Variants in SIRT5 observed in about 807,000 individuals in gnomAD.
The protein encoded by SIRT5 is NAD-dependent protein deacylase sirtuin-5, mitochondrial.
SIRT5 carries 26 observed loss-of-function variants against 40.0 expected under a neutral mutation model. The observed-to-expected ratio is 0.65, with a 90% CI of 0.48 to 0.90. The LOEUF is 0.90. Among genes scored for constraint, SIRT5 ranks in the 40% least tolerant of loss-of-function variants. The probability of loss-of-function intolerance (pLI) is 0.00; values close to 1 mark genes in which losing one functional copy is unlikely to be tolerated. For missense variants in SIRT5, 401 were observed against 402.4 expected (o/e 1.00, Z 0.03); for synonymous variants, 146 against 149.1 (o/e 0.98, Z 0.15).
chr6:13,602,763 C>T (rs142592726), intron 9 of SIRT5, among the ~76,000 whole-genome samples: 300 of 152,210 alleles, frequency 2.0e-3, no homozygotes, highest in African/African-American at 6.8e-3. Flanking sequence ...CTCTGTCACA[C>T]CATTACAAAA....
chr6:13,598,739 T>C (rs1012133821), intron 7 of SIRT5, among the ~76,000 whole-genome samples: 7 of 151,050 alleles, frequency 4.6e-5, no homozygotes, highest in Non-Finnish European at 7.4e-5. Context: ...TGAGGCAGAA[T>C]TGCTTGAACC....
chr6:13,590,945 T>G (rs944071862), intron 4 of SIRT5, among the ~76,000 whole-genome samples: 1 of 148,244 alleles, frequency 6.7e-6, no homozygotes, highest in Non-Finnish European at 1.5e-5. Flanking sequence ...TGTGTAGTTG[T>G]GTGTGTTTAG....
At chr6:13,601,539 C>T (rs1314135261) in intron 9 of SIRT5, among the ~76,000 whole-genome samples, 1 of 151,766 alleles carries the variant, frequency 6.6e-6, no homozygotes, top group Non-Finnish European at 1.5e-5. Flanking sequence ...TTGCTTTTAC[C>T]TCTAATTCTT....
chr6:13,611,662 A>T (rs1215064722), intron 9 of SIRT5, 128 bp from the exon 10 acceptor site: 4 of 717,904 alleles, frequency 5.6e-6, no homozygotes, highest in Non-Finnish European at 1.0e-5. Flanking sequence ...GGAAATTCAT[A>T]ATACCATCTT....
rs761454921 is a variant in SIRT5 at position 13,591,836 on chromosome 6, C to T, written c.417C>T (p.Thr139=). 19 of 1,614,026 alleles carry T rather than the reference C, an allele frequency of 1.2e-5. No homozygotes were observed. The highest frequency in any genetic ancestry group is 1.7e-6 in the Non-Finnish European group (2 of 1,179,994). The change falls in exon 5 of 10, where the codon ACC becomes ACT. Residue 139 remains threonine, a synonymous_variant. Transcript: ENST00000606117. ...AGGGCCGGCGAGTCGTGGTCATCACCCAGAACATCGATGAGCTGCACCGCA... is the reference window on the plus strand; with the variant it reads ...AGGGCCGGCGAGTCGTGGTCATCACTCAGAACATCGATGAGCTGCACCGCA... ...GKQGRRVVVI[T]QNIDELHRKA...
intron 2 of SIRT5, among the ~76,000 whole-genome samples, chr6:13,582,225 G>A (rs1312081803): frequency 1.3e-5 from 2 of 152,108 alleles, no homozygotes; most frequent in Non-Finnish European, 2.9e-5. Context: ...CTTACATAGC[G>A]TTTCCCACCC....
chr6:13,591,222 T>A (rs1423737171), intron 4 of SIRT5, among the ~76,000 whole-genome samples: 1 of 152,160 alleles, frequency 6.6e-6, no homozygotes, highest in Non-Finnish European at 1.5e-5. Flanking sequence ...AAAAACTGAG[T>A]TTCTCACCCA....
intron 1 of SIRT5, among the ~76,000 whole-genome samples, chr6:13,576,415 G>GT (rs1192027260): frequency 5.9e-5 from 9 of 152,130 alleles, no homozygotes. Flanking sequence ...AAAGTTGAGC[G>GT]TTTTTCATGT....
chr6:13,587,217 C>G (rs1760192495), intron 3 of SIRT5, among the ~76,000 whole-genome samples: 1 of 152,190 alleles, frequency 6.6e-6, no homozygotes, highest in Non-Finnish European at 1.5e-5. Flanking sequence ...GTACAGCACT[C>G]GCTTCTCCAG....
upstream of SIRT5, chr6:13,574,493 C>T (rs1201095772): frequency 1.3e-5 from 2 of 152,152 alleles, no homozygotes; most frequent in Non-Finnish European, 2.9e-5. Context: ...GCCCTGCGGT[C>T]CCGGGCTGGT....
chr6:13,606,301 C>T (rs1295079792), intron 9 of SIRT5, among the ~76,000 whole-genome samples: 2 of 152,214 alleles, frequency 1.3e-5, no homozygotes, highest in East Asian at 3.9e-4. Context: ...CCAGGAGAGG[C>T]GAGCAGTAAA....
Position 13,612,545 on chromosome 6 carries a change from G to A in SIRT5, c.*680G>A, listed in dbSNP as rs1474609185. The A allele has an allele frequency of 6.6e-6, 1 of 152,144 alleles. No homozygotes were observed. The highest frequency in any genetic ancestry group is 1.5e-5 in the Non-Finnish European group (1 of 68,092). 9.4% of individuals were successfully genotyped at this position (152,144 alleles called of 1,614,324 possible). Reference sequence around the variant, plus strand: ...AGTAGAGACGGGGTTTCTCCATGTTGGTCAGGCTGGTCTTAAACTCTCGAC... The same window carrying A: ...AGTAGAGACGGGGTTTCTCCATGTTAGTCAGGCTGGTCTTAAACTCTCGAC... On this transcript the variant is annotated 3_prime_UTR_variant, in exon 10 of 10. Coordinates refer to ENST00000606117, the MANE Select transcript of SIRT5 (RefSeq NM_012241.5).
At chr6:13,599,945 A>G (rs576634557) in intron 8 of SIRT5, among the ~76,000 whole-genome samples, 125 of 152,346 alleles carry the variant, frequency 8.2e-4, no homozygotes, top group Non-Finnish European at 1.4e-3. Flanking sequence ...TTCCATATCA[A>G]TATGTCTAAA....
At chr6:13,580,540 AC>A (rs1337932480) in intron 2 of SIRT5, among the ~76,000 whole-genome samples, 1 of 152,178 alleles carries the variant, frequency 6.6e-6, no homozygotes, top group African/African-American at 2.4e-5. Context: ...GGTCTCAAAA[AC>A]TATGTAGCCT....
intron 9 of SIRT5, among the ~76,000 whole-genome samples, chr6:13,611,203 G>GTA (rs1423036849): frequency 2.2e-5 from 2 of 92,266 alleles, no homozygotes; most frequent in African/African-American, 8.3e-5. Context: ...TTATGTGTGT[G>GTA]TGTGTATATA....
At chr6:13,608,477 T>C (rs533907721) in intron 9 of SIRT5, among the ~76,000 whole-genome samples, 4 of 152,024 alleles carry the variant, frequency 2.6e-5, no homozygotes, top group South Asian at 2.1e-4. Context: ...TCCCGGCTAC[T>C]TGGGAGGCTG....
At chr6:13,587,166 A>T (rs932148061) in intron 3 of SIRT5, among the ~76,000 whole-genome samples, 1 of 147,596 alleles carries the variant, frequency 6.8e-6, no homozygotes, top group Non-Finnish European at 1.5e-5. Context: ...AGGGTGGGGC[A>T]TTCCCGGCTT....
intron 9 of SIRT5, among the ~76,000 whole-genome samples, chr6:13,601,668 C>A (rs1762407560): frequency 6.6e-6 from 1 of 152,022 alleles, no homozygotes; most frequent in Admixed American, 6.6e-5. Flanking sequence ...TCAACAGTTT[C>A]CAACCTTGGC....
chr6:13,575,234 A>C (rs528770320), intron 1 of SIRT5, among the ~76,000 whole-genome samples: 3 of 152,148 alleles, frequency 2.0e-5, no homozygotes, highest in Non-Finnish European at 4.4e-5. Flanking sequence ...GGAGGATGGG[A>C]GATCCAGAGG....
Sources: gnomAD v4.1 joint callset for allele counts (sites outside exome capture counted in the v4.1 genomes callset) on GRCh38, gnomAD v4.1.1 for gene constraint, MANE v1.5 for transcripts, NCBI Gene and HGNC (gene_info 2026-07-23, HGNC 2026-07-21) for gene names.